DEF8: variants seen among roughly 807,000 people sequenced by gnomAD.
DEF8 encodes the protein DEF-8.
Under a neutral mutation model 59.1 loss-of-function variants are expected in DEF8, and 38 were observed. That is an observed-to-expected ratio of 0.64 (90% CI 0.50 to 0.84). The LOEUF is 0.84. DEF8 is among the 40% of genes least tolerant of loss of function. The probability of loss-of-function intolerance (pLI) is 0.00; values close to 1 mark genes in which losing one functional copy is unlikely to be tolerated. For synonymous variants in DEF8, 265 were observed against 250.1 expected, an observed-to-expected ratio of 1.06 and a Z score of -0.56; for missense variants, 557 against 615.2, an observed-to-expected ratio of 0.91 and a Z score of 1.00.
rs780519197 is a variant in DEF8, at chr16:89,954,411, C to T, written c.124+35C>T. 3 of 1,606,028 alleles carry T rather than the reference C, an allele frequency of 1.9e-6. No homozygotes were observed. Among genetic ancestry groups the T allele is most frequent in the Admixed American group, 1.7e-5 (1 of 59,174 alleles). ...GGTGGGAGTCAGGGTGGGAGCTGGG[C>T]AGGTCTCTGACTGCTTACGTGGACC... On this transcript the variant is annotated intron_variant, in intron 3 of 12. Coordinates refer to ENST00000563594, the MANE Select transcript of DEF8 (RefSeq NM_001242818.2). This position sits in a 1 kb window ranked among gnomAD's most constrained non-coding sequence, Gnocchi z 4.3.
intron 4 of DEF8, 103 bp downstream of exon 4, chr16:89,955,369 C>A: frequency 1.1e-6 from 1 of 943,938 alleles, no homozygotes; most frequent in Non-Finnish European, 1.7e-6. Context: ...GGGCAGTGTC[C>A]TGTGAGCTGG....
chr16:89,958,998 G>T lies in DEF8; in HGVS notation c.373-16G>T. 1 of 1,608,670 alleles carries T rather than the reference G, an allele frequency of 6.2e-7. No homozygotes were observed. Among genetic ancestry groups the T allele is most frequent in the Non-Finnish European group, 8.5e-7 (1 of 1,179,838 alleles). ...CCAGCTCACCTGTGACCCCCTCCCT[G>T]ACTCACCCTCTGCAGGACCCCAATG... On this transcript the variant is annotated splice_polypyrimidine_tract_variant and intron_variant, in intron 5 of 12. Transcript: ENST00000563594.
rs1246075188 is a variant in DEF8 at position 89,948,864 on chromosome 16, C to A, written c.-108+50C>A. 3.0e-5 allele frequency: 15 copies of A among 497,680 alleles called. 2 individuals carry two copies. In the African/African-American group the frequency reaches 6.1e-4, roughly 20 times the overall value. The allele number at this position is 497,680 out of a possible 1,614,324, so 30.8% of individuals were successfully genotyped here. On this transcript the variant is annotated intron_variant, in intron 1 of 12. Coordinates refer to ENST00000563594, the MANE Select transcript of DEF8 (RefSeq NM_001242818.2). ...TCGGGGCCGGCGGGGACGGGGCCGG[C>A]GGGGACGGGGCCGGCGGGGACGGGG...
chr16:89,963,453 C>T lies in DEF8; in HGVS notation c.1002+10C>T. 6.2e-7 allele frequency: 1 copy of T among 1,610,824 alleles called. No homozygotes were observed. The highest frequency in any genetic ancestry group is 1.1e-5 in the South Asian group (1 of 90,872). On this transcript the variant is annotated intron_variant, in intron 10 of 12. Transcript: ENST00000563594. ...TCGTCTGCTGCTGCAGGTCAGACTG[C>T]CAGCAGGACTGGCCCCCGATGGGAA... is the stretch of plus-strand genomic sequence containing the variant.
intron 4 of DEF8, among the ~76,000 whole-genome samples, chr16:89,957,089 G>A (rs1006576737): frequency 4.6e-5 from 7 of 152,200 alleles, no homozygotes; most frequent in Admixed American, 3.3e-4. Context: ...GCTGGCTCTC[G>A]GCATGTGCTT....
intron 2 of DEF8, among the ~76,000 whole-genome samples, chr16:89,953,615 G>A (rs1337541385): frequency 6.6e-6 from 1 of 152,158 alleles, no homozygotes; most frequent in Admixed American, 6.5e-5. Flanking sequence ...CTGTGTGCTG[G>A]CAGGGAATCC....
In DEF8 at chr16:89,962,261, C is replaced by T. The variant is rs1277922877; in HGVS notation, c.921+136C>T. Reference sequence around the variant, plus strand: ...GGGAGGCCACCTGCTTAGGGTGAGCCAGGCGCCGCGGCTGCCCTTTTGGTT... The same window carrying T: ...GGGAGGCCACCTGCTTAGGGTGAGCTAGGCGCCGCGGCTGCCCTTTTGGTT... On this transcript the variant is annotated intron_variant, in intron 9 of 12. Transcript: ENST00000563594. The T allele has an allele frequency of 6.7e-6, 5 of 744,064 alleles. No individual in the cohort carries two copies. In the Admixed American group the frequency reaches 1.2e-4, roughly 18 times the overall value. 46.1% of individuals were successfully genotyped at this position (744,064 alleles called of 1,614,324 possible). A position where few individuals can be genotyped will look rare whatever the true frequency, so the allele number is the denominator to read the frequency against.
chr16:89,964,703 T>G (rs994435945), intron 12 of DEF8, 128 bp downstream of exon 12: 1 of 671,602 alleles, frequency 1.5e-6, no homozygotes, highest in African/African-American at 1.8e-5. Flanking sequence ...AGGGGAGACA[T>G]AAAGACTCTT....
chr16:89,966,167 C>T lies in DEF8; in HGVS notation c.*204C>T, dbSNP rs535414688. 9.5e-6 allele frequency: 5 copies of T among 525,828 alleles called. No individual in the cohort carries two copies. In the Admixed American group the frequency reaches 1.6e-4, roughly 17 times the overall value. The allele number at this position is 525,828 out of a possible 1,614,324, so 32.6% of individuals were successfully genotyped here. A position where few individuals can be genotyped will look rare whatever the true frequency, so the allele number is the denominator to read the frequency against. ...CGGGGCGGCTGCACCTGGCTGTCACCTGGGTGTGCTGCTGTGAGGGGTCCT... is the reference window on the plus strand; with the variant it reads ...CGGGGCGGCTGCACCTGGCTGTCACTTGGGTGTGCTGCTGTGAGGGGTCCT... On this transcript the variant is annotated 3_prime_UTR_variant, in exon 13 of 13. Coordinates refer to ENST00000563594, the MANE Select transcript of DEF8 (RefSeq NM_001242818.2).
intron 1 of DEF8, among the ~76,000 whole-genome samples, chr16:89,949,156 G>A (rs2031443308): frequency 6.6e-6 from 1 of 150,376 alleles, no homozygotes; most frequent in South Asian, 2.1e-4. Flanking sequence ...CCCGGCGCAG[G>A]GGCCTCGAGA....
At chr16:89,962,199 C>A in intron 9 of DEF8, 74 bp downstream of exon 9, 1 of 1,341,140 alleles carries the variant, frequency 7.5e-7, no homozygotes, top group South Asian at 1.2e-5. Context: ...CCAGTACCCT[C>A]TTCTCCTCTG....
At chr16:89,959,312 A>G (rs2033709340) in intron 6 of DEF8, 157 bp downstream of exon 6, 2 of 1,487,602 alleles carry the variant, frequency 1.3e-6, no homozygotes, top group African/African-American at 1.4e-5. Context: ...TCCTCGTTGT[A>G]CTGTCTACAT....
intron 11 of DEF8, 65 bp from the exon 12 acceptor site, chr16:89,964,401 C>T (rs925640770): frequency 4.1e-5 from 64 of 1,551,476 alleles, no homozygotes; most frequent in Non-Finnish European, 5.4e-5. Context: ...TGTCCCTGGC[C>T]TCAGAGTGCC....
rs536058817 is a variant in DEF8, at chr16:89,949,702, G to A, written c.-11+189G>A. The A allele has an allele frequency of 3.5e-6, 5 of 1,428,002 alleles. No homozygotes were observed. The South Asian group carries it at 5.0e-5, about 14-fold the overall frequency. The allele number at this position is 1,428,002 out of a possible 1,614,324, so 88.5% of individuals were successfully genotyped here. The stretch of plus-strand genomic sequence containing the variant: ...TCCCTCCGTGCCCCGGAACCCCGCC[G>A]GCTTTCTTCGGCTTCCTTTCATTGC... On this transcript the variant is annotated intron_variant, in intron 2 of 12. Coordinates refer to ENST00000563594, the MANE Select transcript of DEF8 (RefSeq NM_001242818.2).
intron 10 of DEF8, chr16:89,963,893 A>G (rs1470402962): frequency 5.5e-6 from 3 of 549,854 alleles, no homozygotes; most frequent in Non-Finnish European, 6.7e-6. Flanking sequence ...AAGGGTGGGG[A>G]ATGTGGGAAG....
intron 9 of DEF8, 69 bp downstream of exon 9, chr16:89,962,194 A>G: frequency 7.3e-7 from 1 of 1,374,146 alleles, no homozygotes. Context: ...CCGGGCCAGT[A>G]CCCTCTTCTC....
In DEF8 at chr16:89,954,192, C is replaced by T. The variant is rs899307288; in HGVS notation, c.-10-51C>T. 12 of 1,589,360 alleles carry T rather than the reference C, an allele frequency of 7.6e-6. No homozygotes were observed. Among genetic ancestry groups the T allele is most frequent in the Admixed American group, 3.4e-5 (2 of 58,172 alleles). ...GTGTGGTTGGGGAAAGGGGGTGGTC[C>T]GTGGTGAGCCTGGTACCTGGGGACT... is the stretch of plus-strand genomic sequence containing the variant. On this transcript the variant is annotated intron_variant, in intron 2 of 12. Transcript: ENST00000563594. This position sits in a 1 kb window ranked among gnomAD's most constrained non-coding sequence, Gnocchi z 4.3.
chr16:89,962,085 C>G lies in DEF8; in HGVS notation c.881C>G (p.Pro294Arg). The G allele has an allele frequency of 6.2e-7, 1 of 1,614,074 alleles. No homozygotes were observed. Among genetic ancestry groups the G allele is most frequent in the Non-Finnish European group, 8.5e-7 (1 of 1,179,994 alleles). ...GTACTCAGGCTCCGGGAGATCAACC[C>G]TCTGCTGTTCAGCTACGTGGAGGAG... ...RPVLRLREINPLLFSYVEELV... is the reference protein window; with the variant it reads ...RPVLRLREINRLLFSYVEELV... Residue 294 changes from proline (P) to arginine (R), a missense_variant, in exon 9 of 13, where the codon CCT (proline) becomes CGT (arginine). Transcript: ENST00000563594.
intron 11 of DEF8, 57 bp from the exon 12 acceptor site, chr16:89,964,409 G>C: frequency 6.4e-7 from 1 of 1,552,552 alleles, no homozygotes; most frequent in South Asian, 1.2e-5. Context: ...GCCTCAGAGT[G>C]CCCAGAGGAG....
Sources: gnomAD v4.1 joint callset for allele counts (sites outside exome capture counted in the v4.1 genomes callset) on GRCh38, gnomAD v4.1.1 for gene constraint, Gnocchi (gnomAD v3.1) non-coding constraint, MANE v1.5 for transcripts, NCBI Gene and HGNC (gene_info 2026-07-23, HGNC 2026-07-21) for gene names.